FRMD6: variants seen among roughly 807,000 people sequenced by gnomAD.
The protein encoded by FRMD6 is FERM domain-containing protein 6.
Under a neutral mutation model 73.2 loss-of-function variants are expected in FRMD6, and 37 were observed. The observed-to-expected ratio is 0.51, with a 90% CI of 0.39 to 0.66. The LOEUF is 0.66. FRMD6 is among the 30% of genes least tolerant of loss of function. The pLI is 0.00. For missense variants in FRMD6, 714 were observed against 780.5 expected (o/e 0.91, Z 1.02); for synonymous variants, 273 against 282.2 (o/e 0.97, Z 0.33).
At chr14:51,640,897 A>G (rs1891779744) in intron 2 of FRMD6, among the ~76,000 whole-genome samples, 1 of 152,152 alleles carries the variant, frequency 6.6e-6, no homozygotes, top group Non-Finnish European at 1.5e-5. Flanking sequence ...AGTAATGATA[A>G]TTTTCCATGG....
At chr14:51,711,719 T>C (rs1896955852) in intron 8 of FRMD6, 123 bp downstream of exon 8, 1 of 685,064 alleles carries the variant, frequency 1.5e-6, no homozygotes, top group Non-Finnish European at 2.6e-6. Context: ...CATTTCCCAT[T>C]TGTCTAGCAC....
intron 2 of FRMD6, among the ~76,000 whole-genome samples, chr14:51,605,500 C>T (rs929109860): frequency 1.3e-5 from 2 of 152,090 alleles, no homozygotes; most frequent in African/African-American, 2.4e-5. Flanking sequence ...TGTCTCCACA[C>T]GTGAAGTATT....
At chr14:51,715,628 A>G (rs1421491393) in intron 10 of FRMD6, 129 bp downstream of exon 10, 2 of 656,210 alleles carry the variant, frequency 3.0e-6, no homozygotes, top group East Asian at 2.9e-5. Context: ...TGAGAGCAGC[A>G]TTACTATTTA....
intron 2 of FRMD6, chr14:51,570,422 T>G (rs1566820712): frequency 6.6e-6 from 1 of 152,222 alleles, no homozygotes; most frequent in Non-Finnish European, 1.5e-5. Context: ...TAAGAAGTGC[T>G]AAAGTGAACC....
chr14:51,502,956 C>T (rs1462552947), intron 1 of FRMD6, among the ~76,000 whole-genome samples: 1 of 152,114 alleles, frequency 6.6e-6, no homozygotes, highest in African/African-American at 2.4e-5. Flanking sequence ...CTCTTTGTAG[C>T]AGTTGTGAAT....
intron 2 of FRMD6, among the ~76,000 whole-genome samples, chr14:51,572,098 A>G (rs1888164578): frequency 6.6e-6 from 1 of 152,254 alleles, no homozygotes; most frequent in African/African-American, 2.4e-5. Flanking sequence ...ATAAGGCCAG[A>G]TAGCATTAGG....
chr14:51,645,826 T>A (rs1324746548), intron 2 of FRMD6, among the ~76,000 whole-genome samples: 1 of 152,180 alleles, frequency 6.6e-6, no homozygotes, highest in Non-Finnish European at 1.5e-5. Flanking sequence ...ACATTTGTTA[T>A]GCTTATAACC....
At position 51,664,248 on chromosome 14, in the gene FRMD6, C is replaced by T. The variant is rs1381226141; in HGVS notation, c.-147+12252C>T. Among the ~76,000 whole-genome samples, 3 of 152,142 alleles carry T rather than the reference C, an allele frequency of 2.0e-5. No individual in the cohort carries two copies. The East Asian group carries it at 5.8e-4, about 29-fold the overall frequency. On this transcript the variant is annotated intron_variant, in intron 1 of 13. Coordinates refer to ENST00000344768, the MANE Select transcript of FRMD6 (RefSeq NM_001267046.2). Reference sequence around the variant, plus strand: ...AGCAAATTGAGTAATAGAAAAATTGCCTCGTTAAAATTTTAAATACCTTGT... The same window carrying T: ...AGCAAATTGAGTAATAGAAAAATTGTCTCGTTAAAATTTTAAATACCTTGT...
At chr14:51,613,739 G>C (rs1401060355) in intron 2 of FRMD6, among the ~76,000 whole-genome samples, 1 of 151,878 alleles carries the variant, frequency 6.6e-6, no homozygotes, top group Non-Finnish European at 1.5e-5. Context: ...CTAAGAAAAA[G>C]AGCCCTTTGA....
chr14:51,563,183 T>C (rs557499030), intron 1 of FRMD6, among the ~76,000 whole-genome samples: 1 of 152,308 alleles, frequency 6.6e-6, no homozygotes, highest in African/African-American at 2.4e-5. Context: ...AGCTTTATGG[T>C]CTTTTCTGAC....
chr14:51,575,909 C>T (rs1237427209), intron 2 of FRMD6: 1 of 152,156 alleles, frequency 6.6e-6, no homozygotes, highest in Non-Finnish European at 1.5e-5. Flanking sequence ...TAGTATAGTC[C>T]CACATTCTTT....
At chr14:51,599,124 T>C (rs995680010) in intron 2 of FRMD6, among the ~76,000 whole-genome samples, 3 of 148,576 alleles carry the variant, frequency 2.0e-5, no homozygotes, top group African/African-American at 7.4e-5. Context: ...TGGTATTTCA[T>C]TGTGGTTTTG....
chr14:51,709,812 G>A (rs1463785667), intron 7 of FRMD6, among the ~76,000 whole-genome samples: 1 of 152,144 alleles, frequency 6.6e-6, no homozygotes, highest in African/African-American at 2.4e-5. Context: ...AAGAGTAAGA[G>A]TGTGGCTTTG....
chr14:51,450,382 G>C, the FRMD6 span, among the ~76,000 whole-genome samples: 1 of 152,162 alleles, frequency 6.6e-6, no homozygotes, highest in African/African-American at 2.4e-5. Flanking sequence ...GGCAGTGTGG[G>C]TTTCTTGTTT....
At chr14:51,646,689 C>G (rs1490331824) in intron 2 of FRMD6, among the ~76,000 whole-genome samples, 3 of 150,904 alleles carry the variant, frequency 2.0e-5, no homozygotes, top group Non-Finnish European at 3.0e-5. Context: ...GGGAATCCAC[C>G]CTTTGTCCTG....
At position 51,720,050 on chromosome 14, in the gene FRMD6, C is replaced by T. The variant is rs199562942; in HGVS notation, c.1025-5C>T. On this transcript the variant is annotated splice_polypyrimidine_tract_variant and splice_region_variant and intron_variant, in intron 10 of 13. Transcript: ENST00000344768. ...GGTTAATGAACTGTGTTCCCCACCA[C>T]GTAGAGAAGAAGCAGTACCGGGAAT... is the stretch of plus-strand genomic sequence containing the variant. 1.6e-4 allele frequency: 255 copies of T among 1,604,618 alleles called. 1 individual carries two copies. In the East Asian group the frequency reaches 5.5e-3, roughly 34 times the overall value.
chr14:51,489,812 C>A (rs1160651352), intron 1 of FRMD6, among the ~76,000 whole-genome samples: 1 of 152,190 alleles, frequency 6.6e-6, no homozygotes, highest in African/African-American at 2.4e-5. Context: ...CAGATGATAA[C>A]CTGACCAGAA....
chr14:51,444,014 C>T, the FRMD6 span, among the ~76,000 whole-genome samples: 1 of 151,044 alleles, frequency 6.6e-6, no homozygotes, highest in South Asian at 2.1e-4. Context: ...CTGCAACCTC[C>T]ACCTCCCAGG....
intron 7 of FRMD6, among the ~76,000 whole-genome samples, chr14:51,709,239 GTTAC>G (rs535251098): frequency 5.5e-4 from 83 of 152,282 alleles, no homozygotes; most frequent in African/African-American, 1.9e-3. Flanking sequence ...CCTCAGGCAA[GTTAC>G]TTACTTAACC....
Sources: gnomAD v4.1 joint callset for allele counts (sites outside exome capture counted in the v4.1 genomes callset) on GRCh38, gnomAD v4.1.1 for gene constraint, MANE v1.5 for transcripts, NCBI Gene and HGNC (gene_info 2026-07-23, HGNC 2026-07-21) for gene names.